Variants in PCDHGB7 observed in about 807,000 individuals in gnomAD.
PCDHGB7 encodes protocadherin gamma subfamily B, 7.
PCDHGB7 carries 37 observed loss-of-function variants against 61.4 expected under a neutral mutation model. The ratio of observed to expected loss-of-function variants is 0.60; its 90% CI spans 0.46 to 0.79. The LOEUF (loss-of-function observed/expected upper bound fraction) is 0.79, where lower values mean the gene tolerates loss of function less well. Among genes scored for constraint, PCDHGB7 ranks in the 30% least tolerant of loss-of-function variants. PCDHGB7 has a pLI of 0.00. For missense variants in PCDHGB7, 1,166 were observed against 1,202.5 expected, an observed-to-expected ratio of 0.97 and a Z score of 0.45; for synonymous variants, 464 against 503.5, an observed-to-expected ratio of 0.92 and a Z score of 1.05.
Position 141,511,656 on chromosome 5 carries a change from C to T in PCDHGB7, c.*483C>T, listed in dbSNP as rs2099883892. On this transcript the variant is annotated 3_prime_UTR_variant, in exon 4 of 4. Transcript: ENST00000398594. ...GGGCATCATGACCTCTTGGCCTCTC[C>T]TTTGATTCTCAATCTTCCCCCAAAG... is the stretch of plus-strand genomic sequence containing the variant. 4.9e-6 allele frequency: 1 copy of T among 206,024 alleles called. No individual in the cohort carries two copies. The highest frequency in any genetic ancestry group is 5.2e-5 in the Admixed American group (1 of 19,114). 12.8% of individuals were successfully genotyped at this position (206,024 alleles called of 1,614,324 possible).
intron 1 of PCDHGB7, chr5:141,428,142 C>A: frequency 6.3e-7 from 1 of 1,594,260 alleles, no homozygotes; most frequent in Non-Finnish European, 8.6e-7. Flanking sequence ...CCTGGGGCTG[C>A]ACACGGGAAC....
intron 1 of PCDHGB7, among the ~76,000 whole-genome samples, chr5:141,438,139 T>C (rs2097931816): frequency 6.6e-6 from 1 of 152,152 alleles, no homozygotes. Context: ...TGGCAAAAGA[T>C]AGCCAGCCTA....
chr5:141,487,312 TAA>T lies in PCDHGB7; in HGVS notation c.2416-7494_2416-7493del, dbSNP rs1464336630. ...TTGGCTCATTCGTGGCACTACTCTC[TAA>T]GTGTCTTCGTGGGGCAGCCTGTGGA... On this transcript the variant is annotated intron_variant, in intron 1 of 3. Transcript: ENST00000398594. The surrounding 1 kb of genome is among the most constrained non-coding windows in gnomAD (Gnocchi z 5.0). 1 of 1,614,158 alleles carries T rather than the reference TAA, an allele frequency of 6.2e-7. No homozygotes were observed. Among genetic ancestry groups the T allele is most frequent in the African/African-American group, 1.3e-5 (1 of 75,056 alleles).
At chr5:141,445,490 C>A (rs1181158971) in intron 1 of PCDHGB7, among the ~76,000 whole-genome samples, 1 of 152,134 alleles carries the variant, frequency 6.6e-6, no homozygotes, top group African/African-American at 2.4e-5. Flanking sequence ...AGTTAATGGG[C>A]CCTATTCTAA....
chr5:141,500,184 TTTTA>T (rs58019021), intron 2 of PCDHGB7, among the ~76,000 whole-genome samples: 6,359 of 135,894 alleles, frequency 0.047, 285 homozygotes, highest in African/African-American at 0.12. Context: ...TCATTTTTAT[TTTTA>T]TTTATTTATT....
At chr5:141,460,034 C>T (rs1463167810) in intron 1 of PCDHGB7, among the ~76,000 whole-genome samples, 1 of 152,116 alleles carries the variant, frequency 6.6e-6, no homozygotes, top group African/African-American at 2.4e-5. Context: ...GCCGAGACTG[C>T]ACCACTGCAC....
At chr5:141,448,449 T>C (rs528049717) in intron 1 of PCDHGB7, among the ~76,000 whole-genome samples, 1 of 152,284 alleles carries the variant, frequency 6.6e-6, no homozygotes, top group South Asian at 2.1e-4. Context: ...CTGACTTCCA[T>C]CCCTATCCTA....
chr5:141,480,694 G>A (rs1446014656), intron 1 of PCDHGB7, among the ~76,000 whole-genome samples: 1 of 152,128 alleles, frequency 6.6e-6, no homozygotes, highest in Non-Finnish European at 1.5e-5. Flanking sequence ...TGAAACCCAG[G>A]CCACACCCCG....
intron 1 of PCDHGB7, among the ~76,000 whole-genome samples, chr5:141,442,702 T>A (rs1301940560): frequency 1.3e-5 from 2 of 152,342 alleles, no homozygotes; most frequent in African/African-American, 4.8e-5. Context: ...GACAAGAGTA[T>A]CAGACATGCC....
chr5:141,473,974 C>T (rs958240236), intron 1 of PCDHGB7, among the ~76,000 whole-genome samples: 12 of 152,172 alleles, frequency 7.9e-5, no homozygotes, highest in Admixed American at 1.3e-4. Flanking sequence ...AAGTCTGAGG[C>T]GGGAGGATCC....
In PCDHGB7 at chr5:141,433,172, G is replaced by C. The variant is rs147848043; in HGVS notation, c.2415+12898G>C. 533 of 1,610,720 alleles carry C rather than the reference G, an allele frequency of 3.3e-4. 5 individuals carry two copies. In the South Asian group the frequency reaches 5.0e-3, roughly 15 times the overall value. On this transcript the variant is annotated intron_variant, in intron 1 of 3. Transcript: ENST00000398594. ...TTCGGTATTTTCTAAAGACAGTCAT[G>C]GGTTAATTGAGGTGAGTTTATATCA...
At chr5:141,427,355 C>T (rs765449381) in intron 1 of PCDHGB7, 2 of 457,430 alleles carry the variant, frequency 4.4e-6, no homozygotes, top group African/African-American at 2.0e-5. Flanking sequence ...TAACTGAGGA[C>T]GCAGAACCCT....
At chr5:141,484,857 G>C in intron 1 of PCDHGB7, 1 of 264,370 alleles carries the variant, frequency 3.8e-6, no homozygotes. Flanking sequence ...TTTTTGGGGG[G>C]TGGGGGAGCG....
chr5:141,492,042 A>T, intron 1 of PCDHGB7: 1 of 519,520 alleles, frequency 1.9e-6, no homozygotes, highest in Non-Finnish European at 3.4e-6. Context: ...GCAGTCACAG[A>T]TCCACCCCTG....
chr5:141,427,914 A>G (rs757621783), intron 1 of PCDHGB7: 123 of 1,576,802 alleles, frequency 7.8e-5, no homozygotes, highest in Non-Finnish European at 7.6e-5. Context: ...CAGCGCCAAC[A>G]TGAGCCGGCG....
chr5:141,443,708 T>G (rs2098400247), intron 1 of PCDHGB7, among the ~76,000 whole-genome samples: 1 of 152,192 alleles, frequency 6.6e-6, no homozygotes, highest in Non-Finnish European at 1.5e-5. Context: ...GAATAACATT[T>G]GCATATAAAA....
rs369886570 is a variant in PCDHGB7 at position 141,487,839 on chromosome 5, G to A, written c.2416-6968G>A. ...GGGGGCGGGTCATGCCTATATCTGAGTAAGAAATGAAAGTAATTGGTGATC... is the reference window on the plus strand; with the variant it reads ...GGGGGCGGGTCATGCCTATATCTGAATAAGAAATGAAAGTAATTGGTGATC... On this transcript the variant is annotated intron_variant, in intron 1 of 3. Transcript: ENST00000398594. The surrounding 1 kb of genome is among the most constrained non-coding windows in gnomAD (Gnocchi z 5.0). The A allele has an allele frequency of 2.7e-6, 3 of 1,103,412 alleles. No homozygotes were observed. Among genetic ancestry groups the A allele is most frequent in the African/African-American group, 1.6e-5 (1 of 63,054 alleles). The allele number at this position is 1,103,412 out of a possible 1,614,324, so 68.4% of individuals were successfully genotyped here.
intron 3 of PCDHGB7, among the ~76,000 whole-genome samples, chr5:141,510,089 C>G (rs2099879446): frequency 6.6e-6 from 1 of 152,136 alleles, no homozygotes; most frequent in African/African-American, 2.4e-5. Flanking sequence ...GCCTGGCACA[C>G]AGTAGGTGCT....
intron 1 of PCDHGB7, among the ~76,000 whole-genome samples, chr5:141,474,234 T>C (rs1458919904): frequency 6.6e-6 from 1 of 152,204 alleles, no homozygotes; most frequent in Non-Finnish European, 1.5e-5. Flanking sequence ...TAAGTGATGC[T>C]GAATAGGGGA....
Sources: gnomAD v4.1 joint callset for allele counts (sites outside exome capture counted in the v4.1 genomes callset) on GRCh38, gnomAD v4.1.1 for gene constraint, Gnocchi (gnomAD v3.1) non-coding constraint, MANE v1.5 for transcripts, NCBI Gene and HGNC (gene_info 2026-07-23, HGNC 2026-07-21) for gene names.